The following CHST11 variants were observed in gnomAD, a reference collection of about 807,000 sequenced individuals.
The protein encoded by CHST11 is C4S-1.
A neutral mutation model predicts 30.4 loss-of-function variants in CHST11; 9 were observed. The observed-to-expected ratio is 0.30, with a 90% confidence interval of 0.18 to 0.52. The LOEUF is 0.52. Ranked by LOEUF, CHST11 falls within the 20% of genes least tolerant of loss-of-function variation. CHST11 has a pLI of 0.97. For synonymous variants in CHST11, 152 were observed against 187.8 expected, an observed-to-expected ratio of 0.81 and a Z score of 1.56; for missense variants, 348 against 460.6, an observed-to-expected ratio of 0.76 and a Z score of 2.24.
chr12:104,495,131 A>G (rs138197165), intron 1 of CHST11, among the ~76,000 whole-genome samples: 300 of 152,332 alleles, frequency 2.0e-3, no homozygotes, highest in African/African-American at 7.0e-3. Flanking sequence ...GAGTTCGTCC[A>G]TGTTGTAGCA....
chr12:104,475,674 A>T (rs370718845), intron 1 of CHST11, among the ~76,000 whole-genome samples: 19,081 of 116,126 alleles, frequency 0.16, 2,456 homozygotes, highest in South Asian at 0.24. Context: ...ATATATATAT[A>T]TATATATATA....
chr12:104,673,724 G>A (rs890671353), intron 2 of CHST11, among the ~76,000 whole-genome samples: 2 of 152,130 alleles, frequency 1.3e-5, no homozygotes, highest in South Asian at 2.1e-4. Flanking sequence ...CGTTTGTTTC[G>A]ACTTTTCGAC....
chr12:104,586,144 A>G (rs974119543), intron 1 of CHST11, among the ~76,000 whole-genome samples: 2 of 152,166 alleles, frequency 1.3e-5, no homozygotes. Flanking sequence ...GCAGGTCCCT[A>G]GTGGATATGA....
chr12:104,648,481 A>G (rs1387157805), intron 2 of CHST11, among the ~76,000 whole-genome samples: 4 of 152,112 alleles, frequency 2.6e-5, no homozygotes, highest in South Asian at 2.1e-4. Flanking sequence ...ACAAAAATCA[A>G]CTCAGAGACT....
intron 1 of CHST11, among the ~76,000 whole-genome samples, chr12:104,508,671 A>G (rs2037932700): frequency 6.6e-6 from 1 of 152,174 alleles, no homozygotes; most frequent in South Asian, 2.1e-4. Context: ...CATCAGCTTT[A>G]TCCTTAACTT....
chr12:104,670,079 C>T (rs922582064), intron 2 of CHST11, among the ~76,000 whole-genome samples: 3 of 152,246 alleles, frequency 2.0e-5, no homozygotes, highest in Admixed American at 6.5e-5. Context: ...TGGACAGAGG[C>T]GGAAGCTTGC....
intron 2 of CHST11, among the ~76,000 whole-genome samples, chr12:104,686,804 C>G (rs535510892): frequency 6.6e-6 from 1 of 152,074 alleles, no homozygotes; most frequent in Non-Finnish European, 1.5e-5. Flanking sequence ...CCCGCCACCA[C>G]GCCTGGCTAA....
At chr12:104,746,851 T>G (rs1404229745) in intron 2 of CHST11, among the ~76,000 whole-genome samples, 1 of 152,254 alleles carries the variant, frequency 6.6e-6, no homozygotes, top group African/African-American at 2.4e-5. Flanking sequence ...TATGTAATTC[T>G]TAGTGCTTCC....
intron 1 of CHST11, among the ~76,000 whole-genome samples, chr12:104,571,376 T>G (rs1239373653): frequency 6.6e-6 from 1 of 152,160 alleles, no homozygotes; most frequent in East Asian, 1.9e-4. Context: ...TTGGTCAGGC[T>G]GGTCTTGATC....
intron 1 of CHST11, among the ~76,000 whole-genome samples, chr12:104,512,977 G>C (rs920250816): frequency 6.6e-6 from 1 of 152,122 alleles, no homozygotes; most frequent in East Asian, 1.9e-4. Flanking sequence ...GTGGGAATAG[G>C]GAACAACTCC....
chr12:104,630,526 C>T (rs1007347189), intron 2 of CHST11, among the ~76,000 whole-genome samples: 7 of 152,152 alleles, frequency 4.6e-5, no homozygotes, highest in South Asian at 2.1e-4. Flanking sequence ...AAATGAAATC[C>T]GAGAAGCCAG....
intron 1 of CHST11, among the ~76,000 whole-genome samples, chr12:104,480,255 G>C (rs1033872102): frequency 6.6e-6 from 1 of 152,072 alleles, no homozygotes; most frequent in East Asian, 1.9e-4. Flanking sequence ...ACTTGACTTG[G>C]AAATAGGGGC....
At chr12:104,754,496 G>A (rs1385600480) in intron 2 of CHST11, among the ~76,000 whole-genome samples, 1 of 152,178 alleles carries the variant, frequency 6.6e-6, no homozygotes, top group Non-Finnish European at 1.5e-5. Context: ...TCCATAGCAT[G>A]ACTGTCTCAG....
chr12:104,732,203 G>A (rs1402462594), intron 2 of CHST11, among the ~76,000 whole-genome samples: 2 of 152,230 alleles, frequency 1.3e-5, no homozygotes, highest in Non-Finnish European at 2.9e-5. Flanking sequence ...GGGTTCGTGA[G>A]CTTTGCTGGC....
intron 2 of CHST11, among the ~76,000 whole-genome samples, chr12:104,712,844 T>A (rs185223930): frequency 6.6e-6 from 1 of 152,310 alleles, no homozygotes; most frequent in East Asian, 1.9e-4. Flanking sequence ...CCAGTTTGGC[T>A]GGGTAGTTCT....
At chr12:104,572,998 T>C (rs978658266) in intron 1 of CHST11, among the ~76,000 whole-genome samples, 1 of 152,222 alleles carries the variant, frequency 6.6e-6, no homozygotes, top group African/African-American at 2.4e-5. Context: ...CTTAAGCTGA[T>C]AGGCAACTTC....
rs186000500 is a variant in CHST11 at position 104,634,910 on chromosome 12, C to T, written c.204+32919C>T. 2.0e-5 allele frequency among the ~76,000 whole-genome samples: 3 copies of T among 152,132 alleles called. No individual in the cohort carries two copies. The East Asian group carries it at 5.8e-4, about 29-fold the overall frequency. On this transcript the variant is annotated intron_variant, in intron 2 of 2. Transcript: ENST00000303694. Reference sequence around the variant, plus strand: ...GGGGTTGTCCATTTGGCTGTTCATTCATTCATTTGTTGAGTCATTCATCAA... The same window carrying T: ...GGGGTTGTCCATTTGGCTGTTCATTTATTCATTTGTTGAGTCATTCATCAA...
chr12:104,459,344 A>C (rs2037386190), intron 1 of CHST11, among the ~76,000 whole-genome samples: 2 of 152,088 alleles, frequency 1.3e-5, no homozygotes, highest in Non-Finnish European at 2.9e-5. Context: ...GGTGGTGTAC[A>C]GATACACTCG....
chr12:104,756,588 C>A (rs1303523337), intron 2 of CHST11, among the ~76,000 whole-genome samples: 4 of 144,264 alleles, frequency 2.8e-5, no homozygotes, highest in Non-Finnish European at 6.1e-5. Flanking sequence ...TGCTCTGTCA[C>A]CCAAGCTAGA....
Sources: allele counts gnomAD v4.1 joint callset (sites outside exome capture counted in the v4.1 genomes callset), GRCh38; gene constraint gnomAD v4.1.1; transcripts MANE v1.5; gene names NCBI Gene and HGNC (gene_info 2026-07-23, HGNC 2026-07-21).